Variants in RNF135 observed in about 807,000 individuals in gnomAD.
RNF135 encodes ring finger protein 135.
In RNF135, 46 loss-of-function variants were observed where a neutral mutation model predicts 41.9. The observed-to-expected ratio is 1.10, with a 90% CI of 0.87 to 1.40. The LOEUF (loss-of-function observed/expected upper bound fraction) is 1.40, where lower values mean the gene tolerates loss of function less well. Among genes scored for constraint, RNF135 ranks in the 40% most tolerant of loss-of-function variants. RNF135 has a pLI of 0.00. For synonymous variants in RNF135, 238 were observed against 223.8 expected (o/e 1.06, Z -0.57); for missense variants, 539 against 549.8 (o/e 0.98, Z 0.20).
chr17:30,992,611 G>A (rs1908061565), intron 3 of RNF135, among the ~76,000 whole-genome samples: 1 of 151,444 alleles, frequency 6.6e-6, no homozygotes, highest in African/African-American at 2.4e-5. Context: ...GACTGCAGGT[G>A]CGTGTCACCG....
chr17:30,997,044 A>G (rs1908396043), intron 3 of RNF135, among the ~76,000 whole-genome samples, 198 bp from the exon 4 acceptor site: 1 of 152,200 alleles, frequency 6.6e-6, no homozygotes, highest in South Asian at 2.1e-4. Flanking sequence ...GAAAGAGTGA[A>G]AAGTCCACAG....
chr17:30,983,293 T>C (rs929232008), intron 1 of RNF135, among the ~76,000 whole-genome samples: 1 of 134,380 alleles, frequency 7.4e-6, no homozygotes, highest in Non-Finnish European at 1.6e-5. Flanking sequence ...TGCTAAATCA[T>C]ATGGTAATTC....
intron 3 of RNF135, among the ~76,000 whole-genome samples, chr17:30,989,139 G>A (rs1907819862): frequency 6.6e-6 from 1 of 151,334 alleles, no homozygotes; most frequent in Non-Finnish European, 1.5e-5. Context: ...GGAGGCTGAG[G>A]TGAGAGGATC....
At chr17:30,982,400 C>G (rs1162165101) in intron 1 of RNF135, among the ~76,000 whole-genome samples, 1 of 152,146 alleles carries the variant, frequency 6.6e-6, no homozygotes, top group Non-Finnish European at 1.5e-5. Context: ...TGTGAAGCGA[C>G]AAGGCAAAGT....
At chr17:30,967,123 C>G (rs898534221), upstream of RNF135, among the ~76,000 whole-genome samples, 1 of 152,092 alleles carries the variant, frequency 6.6e-6, no homozygotes, top group Non-Finnish European at 1.5e-5. Context: ...CAACCTCCGT[C>G]TCCTAAGTTC....
At chr17:30,975,958 G>A in intron 1 of RNF135, 1 of 465,086 alleles carries the variant, frequency 2.2e-6, no homozygotes. Context: ...GTTGAGAGAT[G>A]ATAAATACAA....
intron 3 of RNF135, among the ~76,000 whole-genome samples, chr17:30,989,568 G>C (rs1907842311): frequency 6.6e-6 from 1 of 152,130 alleles, no homozygotes; most frequent in Admixed American, 6.6e-5. Flanking sequence ...AGCTCTGTCT[G>C]GTCTCCCAGG....
chr17:30,988,513 T>C (rs1276966124), intron 3 of RNF135, among the ~76,000 whole-genome samples: 1 of 138,744 alleles, frequency 7.2e-6, no homozygotes, highest in Non-Finnish European at 1.5e-5. Flanking sequence ...CTGCAAGCTC[T>C]GCCTCCTGGG....
At chr17:30,989,368 C>A (rs1180049042) in intron 3 of RNF135, among the ~76,000 whole-genome samples, 1 of 151,982 alleles carries the variant, frequency 6.6e-6, no homozygotes, top group African/African-American at 2.4e-5. Flanking sequence ...ACAAACAAAA[C>A]CAGCATGCCA....
chr17:30,997,360 G>T, intron 4 of RNF135, 29 bp downstream of exon 4: 11 of 1,593,072 alleles, frequency 6.9e-6, no homozygotes, highest in Non-Finnish European at 9.5e-6. Context: ...TTAAACATGG[G>T]TTTGGCTTGC....
intron 3 of RNF135, among the ~76,000 whole-genome samples, chr17:30,991,258 G>A (rs979180141): frequency 6.6e-6 from 1 of 151,976 alleles, no homozygotes; most frequent in Non-Finnish European, 1.5e-5. Flanking sequence ...AGTTACGTGG[G>A]AGGTTGAGGC....
At chr17:30,989,284 C>T (rs1315457523) in intron 3 of RNF135, among the ~76,000 whole-genome samples, 1 of 152,032 alleles carries the variant, frequency 6.6e-6, no homozygotes, top group Non-Finnish European at 1.5e-5. Context: ...TAGAGGATCA[C>T]TTGAGCCACG....
In RNF135 at chr17:30,998,658, A is replaced by G. The variant is rs534217238; in HGVS notation, c.770-4A>G. 1.7e-5 allele frequency: 28 copies of G among 1,612,624 alleles called. No individual in the cohort carries two copies. The South Asian group carries it at 3.1e-4, about 18-fold the overall frequency. ...TTCTTATTGTTCTTTTTTTTTTTCCAAAGGGGCCATCCATCCAACCTTTAA... is the reference window on the plus strand; with the variant it reads ...TTCTTATTGTTCTTTTTTTTTTTCCGAAGGGGCCATCCATCCAACCTTTAA... On this transcript the variant is annotated splice_region_variant and splice_polypyrimidine_tract_variant and intron_variant, in intron 4 of 4. Coordinates refer to ENST00000328381, the MANE Select transcript of RNF135 (RefSeq NM_032322.4).
intron 2 of RNF135, among the ~76,000 whole-genome samples, chr17:30,985,807 A>G (rs1404356327): frequency 6.6e-6 from 1 of 152,174 alleles, no homozygotes; most frequent in Non-Finnish European, 1.5e-5. Flanking sequence ...AAAGCCCTGT[A>G]GGATCCCATC....
chr17:30,966,241 C>T (rs1307147937), upstream of RNF135, among the ~76,000 whole-genome samples: 1 of 152,118 alleles, frequency 6.6e-6, no homozygotes, highest in Non-Finnish European at 1.5e-5. Flanking sequence ...TGAGCGAAGA[C>T]AGCCAGCCTG....
the RNF135 span, among the ~76,000 whole-genome samples, chr17:30,963,093 CTTTTT>C: frequency 4.0e-5 from 4 of 99,388 alleles, no homozygotes; most frequent in African/African-American, 1.7e-4. Flanking sequence ...GATTCCCTAG[CTTTTT>C]TTTTTTTTTT....
At position 30,971,427 on chromosome 17, in the gene RNF135, C is replaced by G; in HGVS notation, c.354C>G (p.Arg118=). 6.6e-7 allele frequency: 1 copy of G among 1,514,770 alleles called. No homozygotes were observed. Among genetic ancestry groups the G allele is most frequent in the Non-Finnish European group, 8.8e-7 (1 of 1,138,866 alleles). The allele number at this position is 1,514,770 out of a possible 1,614,324, so 93.8% of individuals were successfully genotyped here. ...CCAGCGCGGCCGCGAGGCCCCGGCG[C>G]CGCCCGGAACTGCAGCGGGTAGGGA... ...SLSSAAARPR[R]RPELQRVAVE... Residue 118 remains arginine, a synonymous_variant, in exon 1 of 5, where the codon CGC becomes CGG. Transcript: ENST00000328381.
chr17:30,984,861 A>G, intron 2 of RNF135, 101 bp downstream of exon 2: 1 of 1,265,996 alleles, frequency 7.9e-7, no homozygotes, highest in Non-Finnish European at 1.1e-6. Flanking sequence ...AGGATACAAT[A>G]AGTCTCAATC....
At position 30,998,907 on chromosome 17, in the gene RNF135, G is replaced by C. The variant is rs1320295805; in HGVS notation, c.1015G>C (p.Val339Leu). The change falls in exon 5 of 5, where the codon GTC becomes CTC. Residue 339 changes from valine (V) to leucine (L), a missense_variant. Around this residue, in one of 2 missense-constraint regions of RNF135, gnomAD observed 262 missense variants for 336.9 expected, o/e 0.78. Coordinates refer to ENST00000328381, the MANE Select transcript of RNF135 (RefSeq NM_032322.4). ...TTCCTGGGAGATGAGCCGCGACCAGGTCCTGGGAAGGACTATGGACTCTTG... is the reference window on the plus strand; with the variant it reads ...TTCCTGGGAGATGAGCCGCGACCAGCTCCTGGGAAGGACTATGGACTCTTG... ...VASWEMSRDQ[V>L]LGRTMDSCCV... 5.6e-6 allele frequency: 9 copies of C among 1,612,244 alleles called. No individual in the cohort carries two copies. Among genetic ancestry groups the C allele is most frequent in the African/African-American group, 1.3e-5 (1 of 74,884 alleles).
Sources: allele counts gnomAD v4.1 joint callset (sites outside exome capture counted in the v4.1 genomes callset), GRCh38; gene constraint gnomAD v4.1.1; regional missense constraint gnomAD v4.1.1; transcripts MANE v1.5; gene names NCBI Gene and HGNC (gene_info 2026-07-23, HGNC 2026-07-21).